The following RUBCN variants were observed in gnomAD, a reference collection of about 807,000 sequenced individuals.
RUBCN encodes the protein run domain Beclin-1-interacting and cysteine-rich domain-containing protein.
RUBCN carries 74 observed loss-of-function variants against 113.2 expected under a neutral mutation model. The observed-to-expected ratio is 0.65, with a 90% CI of 0.54 to 0.79. RUBCN has a LOEUF of 0.79. RUBCN is among the 30% of genes least tolerant of loss of function. The pLI, the probability that RUBCN is intolerant of heterozygous loss-of-function variation, is 0.00. For synonymous variants in RUBCN, 480 were observed against 490.0 expected, an observed-to-expected ratio of 0.98 and a Z score of 0.27; for missense variants, 1,109 against 1,251.7, an observed-to-expected ratio of 0.89 and a Z score of 1.72.
intron 16 of RUBCN, among the ~76,000 whole-genome samples, 170 bp downstream of exon 16, chr3:197,680,959 T>G (rs1285503230): frequency 7.2e-6 from 1 of 139,258 alleles, no homozygotes; most frequent in Non-Finnish European, 1.5e-5. Flanking sequence ...GTGGTAATTG[T>G]GGGAAGCCCT....
chr3:197,719,495 A>G (rs900044603), intron 1 of RUBCN, among the ~76,000 whole-genome samples: 2 of 151,602 alleles, frequency 1.3e-5, no homozygotes, highest in Non-Finnish European at 2.9e-5. Context: ...AAAAAAAAAA[A>G]AAAGAACATG....
At chr3:197,684,082 C>T in intron 12 of RUBCN, 75 bp downstream of exon 12, 1 of 1,212,218 alleles carries the variant, frequency 8.2e-7, no homozygotes, top group Non-Finnish European at 1.2e-6. Flanking sequence ...CCCAGCCATA[C>T]ACCAAGAACT....
rs1437549137 is a variant in RUBCN, at chr3:197,679,380, C to T, written c.2430+1749G>A. On this transcript the variant is annotated intron_variant, in intron 16 of 19. Coordinates refer to ENST00000296343, the MANE Select transcript of RUBCN (RefSeq NM_014687.4). ...TGACAACTGGCTTTAGACTGTCCTACGCTCTAACTTGTCAACTGGCTTCAG... is the reference window on the plus strand; with the variant it reads ...TGACAACTGGCTTTAGACTGTCCTATGCTCTAACTTGTCAACTGGCTTCAG... Among the ~76,000 whole-genome samples, 7 of 148,838 alleles carry T rather than the reference C, an allele frequency of 4.7e-5. No individual in the cohort carries two copies. In the East Asian group the frequency reaches 6.0e-4, roughly 13 times the overall value.
chr3:197,696,910 C>T, intron 8 of RUBCN, 44 bp downstream of exon 8: 2 of 1,042,076 alleles, frequency 1.9e-6, no homozygotes, highest in Non-Finnish European at 3.0e-6. Context: ...AAGGGGTGAG[C>T]AGAGAAAATA....
intron 1 of RUBCN, among the ~76,000 whole-genome samples, chr3:197,721,535 GAAAC>G (rs1726166049): frequency 6.6e-6 from 1 of 151,758 alleles, no homozygotes; most frequent in Admixed American, 6.6e-5. Context: ...TTTATCTTCT[GAAAC>G]AAACAACTCT....
At chr3:197,746,966 T>C (rs1188759407) in intron 1 of RUBCN, among the ~76,000 whole-genome samples, 1 of 151,950 alleles carries the variant, frequency 6.6e-6, no homozygotes, top group African/African-American at 2.4e-5. Context: ...TTACAGTGCC[T>C]GATGCTCAAT....
chr3:197,694,254 T>C (rs753338460), intron 10 of RUBCN, 121 bp downstream of exon 10: 28 of 893,346 alleles, frequency 3.1e-5, no homozygotes, highest in South Asian at 9.2e-5. Flanking sequence ...CCTAGCATGA[T>C]AGAAAAAAAG....
At position 197,674,620 on chromosome 3, in the gene RUBCN, C is replaced by A. The variant is rs1214495251; in HGVS notation, c.*398G>T. 2 of 451,754 alleles carry A rather than the reference C, an allele frequency of 4.4e-6. No homozygotes were observed. Among genetic ancestry groups the A allele is most frequent in the Non-Finnish European group, 8.9e-6 (2 of 225,816 alleles). 28.0% of individuals were successfully genotyped at this position (451,754 alleles called of 1,614,324 possible). Reference sequence around the variant, plus strand: ...AGAGGTGGTTGAGAAAGGCCTGGCTCAGAAGCTCCAGAACTGAAACAAAGG... The same window carrying A: ...AGAGGTGGTTGAGAAAGGCCTGGCTAAGAAGCTCCAGAACTGAAACAAAGG... On this transcript the variant is annotated 3_prime_UTR_variant, in exon 20 of 20. Coordinates refer to ENST00000296343, the MANE Select transcript of RUBCN (RefSeq NM_014687.4).
At chr3:197,684,951 T>C (rs1721676607) in intron 11 of RUBCN, among the ~76,000 whole-genome samples, 1 of 152,216 alleles carries the variant, frequency 6.6e-6, no homozygotes, top group South Asian at 2.1e-4. Flanking sequence ...AGAAGTCTTC[T>C]ATATCCTTAG....
chr3:197,728,638 C>T (rs1727028829), intron 1 of RUBCN, among the ~76,000 whole-genome samples: 1 of 152,170 alleles, frequency 6.6e-6, no homozygotes, highest in African/African-American at 2.4e-5. Context: ...TCACTGAACA[C>T]CAACTATATG....
intron 2 of RUBCN, among the ~76,000 whole-genome samples, chr3:197,716,515 C>A (rs760698093): frequency 6.6e-6 from 1 of 152,160 alleles, no homozygotes; most frequent in Non-Finnish European, 1.5e-5. Flanking sequence ...CTTTATCCTA[C>A]CTACTTCTGA....
intron 11 of RUBCN, among the ~76,000 whole-genome samples, chr3:197,687,621 A>C (rs2108866650): frequency 6.6e-6 from 1 of 152,338 alleles, no homozygotes; most frequent in Non-Finnish European, 1.5e-5. Flanking sequence ...GCAGCTTTGC[A>C]GCAGAGTGCC....
At chr3:197,693,892 G>A in intron 10 of RUBCN, 76 bp from the exon 11 acceptor site, 2 of 971,474 alleles carry the variant, frequency 2.1e-6, no homozygotes, top group Non-Finnish European at 3.3e-6. Flanking sequence ...CACAATATAA[G>A]GGATCTGATA....
chr3:197,699,059 C>T, intron 7 of RUBCN: 2 of 721,542 alleles, frequency 2.8e-6, no homozygotes, highest in Non-Finnish European at 2.5e-6. Flanking sequence ...ATTTTATAGA[C>T]AGTTCCAAGC....
At chr3:197,698,117 G>A (rs928787633) in intron 7 of RUBCN, among the ~76,000 whole-genome samples, 7 of 152,174 alleles carry the variant, frequency 4.6e-5, no homozygotes, top group African/African-American at 1.4e-4. Flanking sequence ...ACAACATGTG[G>A]CCATTCAGCC....
At chr3:197,685,204 G>A (rs55946514) in intron 11 of RUBCN, among the ~76,000 whole-genome samples, 8,352 of 152,280 alleles carry the variant, frequency 0.055, 660 homozygotes, top group African/African-American at 0.18. Context: ...TTGATGGGGG[G>A]GATGTGAAAT....
chr3:197,718,031 C>T lies in RUBCN; in HGVS notation c.165G>A (p.Glu55=), dbSNP rs965810501. ...TGCTCTGCATGTCCCTGCAAAGCCG[C>T]TCCAAGCCACCATACTTAGACCAGA... is the stretch of plus-strand genomic sequence containing the variant. The part of the protein sequence containing the change: ...PNVWSKYGGL[E]RLCRDMQSIL... Residue 55 remains glutamate (E), a synonymous_variant, in exon 2 of 20, where the codon GAG becomes GAA. Coordinates refer to ENST00000296343, the MANE Select transcript of RUBCN (RefSeq NM_014687.4). 2 of 1,614,176 alleles carry T rather than the reference C, an allele frequency of 1.2e-6. No homozygotes were observed. Among genetic ancestry groups the T allele is most frequent in the African/African-American group, 2.7e-5 (2 of 75,064 alleles).
At chr3:197,734,502 C>T (rs1009545529) in intron 1 of RUBCN, among the ~76,000 whole-genome samples, 1 of 152,036 alleles carries the variant, frequency 6.6e-6, no homozygotes, top group African/African-American at 2.4e-5. Flanking sequence ...TGGCAAGTTA[C>T]TTACCCTGTC....
intron 1 of RUBCN, among the ~76,000 whole-genome samples, chr3:197,723,686 T>C (rs1726419432): frequency 6.6e-6 from 1 of 152,210 alleles, no homozygotes; most frequent in Admixed American, 6.5e-5. Flanking sequence ...GATATAATTA[T>C]CAATATCAGA....
Sources: gnomAD v4.1 joint callset for allele counts (sites outside exome capture counted in the v4.1 genomes callset) on GRCh38, gnomAD v4.1.1 for gene constraint, MANE v1.5 for transcripts, NCBI Gene and HGNC (gene_info 2026-07-23, HGNC 2026-07-21) for gene names.